Variants in SHISAL2A observed in about 807,000 individuals in gnomAD.
The protein encoded by SHISAL2A is shisa like 2A, also known as protein shisa-like-2A.
A neutral mutation model predicts 11.5 loss-of-function variants in SHISAL2A; 18 were observed. The observed-to-expected ratio is 1.57, with a 90% confidence interval of 1.08 to 2.33. The LOEUF is 2.33. Among genes scored for constraint, SHISAL2A ranks in the 30% most tolerant of loss-of-function variants. The probability of loss-of-function intolerance (pLI) is 0.00; values close to 1 mark genes in which losing one functional copy is unlikely to be tolerated. For synonymous variants in SHISAL2A, 94 were observed against 99.6 expected, an observed-to-expected ratio of 0.94 and a Z score of 0.34; for missense variants, 261 against 250.9, an observed-to-expected ratio of 1.04 and a Z score of -0.27.
chr1:52,638,629 CAG>C (rs1179228226), intron 1 of SHISAL2A, among the ~76,000 whole-genome samples: 1 of 152,086 alleles, frequency 6.6e-6, no homozygotes, highest in Non-Finnish European at 1.5e-5. Context: ...GAAAGTGAGA[CAG>C]GGAGAGAAAG....
intron 4 of SHISAL2A, among the ~76,000 whole-genome samples, chr1:52,665,997 G>A (rs1692003327): frequency 6.6e-6 from 1 of 152,200 alleles, no homozygotes; most frequent in Non-Finnish European, 1.5e-5. Context: ...TGGATTCTAG[G>A]CCACCACTAT....
intron 2 of SHISAL2A, among the ~76,000 whole-genome samples, chr1:52,644,730 A>C (rs1291613791): frequency 7.5e-6 from 1 of 133,780 alleles, no homozygotes; most frequent in Non-Finnish European, 1.6e-5. Context: ...TCTCAGAAAA[A>C]AGTGGGGCCG....
chr1:52,640,076 C>T (rs1453510894), intron 1 of SHISAL2A: 2 of 152,292 alleles, frequency 1.3e-5, no homozygotes, highest in East Asian at 3.9e-4. Context: ...AGGTATGAGC[C>T]ACATCGCCCT....
chr1:52,651,122 G>C (rs71654966), intron 2 of SHISAL2A, among the ~76,000 whole-genome samples: 1 of 152,310 alleles, frequency 6.6e-6, no homozygotes, highest in South Asian at 2.1e-4. Flanking sequence ...TCACATCTCA[G>C]AAATAACTTT....
At chr1:52,652,929 G>A (rs1691700527) in intron 2 of SHISAL2A, among the ~76,000 whole-genome samples, 2 of 111,940 alleles carry the variant, frequency 1.8e-5, no homozygotes, top group Admixed American at 2.7e-4. Flanking sequence ...TCGCGCCACT[G>A]CACTCCAGCC....
intron 2 of SHISAL2A, among the ~76,000 whole-genome samples, chr1:52,644,316 A>G (rs1053123592): frequency 1.3e-5 from 2 of 152,250 alleles, no homozygotes; most frequent in Non-Finnish European, 2.9e-5. Context: ...AGTAGTGGGT[A>G]CATGTGTGTG....
At chr1:52,643,866 A>G (rs1379600017) in intron 2 of SHISAL2A, among the ~76,000 whole-genome samples, 2 of 150,224 alleles carry the variant, frequency 1.3e-5, no homozygotes, top group Non-Finnish European at 1.5e-5. Flanking sequence ...GAAAGAAAGA[A>G]AGAAAGAGAG....
chr1:52,665,491 A>G (rs1691994041), intron 4 of SHISAL2A, among the ~76,000 whole-genome samples: 1 of 152,106 alleles, frequency 6.6e-6, no homozygotes, highest in Admixed American at 6.5e-5. Flanking sequence ...CCTCATTATC[A>G]TTCAGACTTA....
intron 2 of SHISAL2A, among the ~76,000 whole-genome samples, chr1:52,653,039 C>G (rs965780350): frequency 1.5e-5 from 2 of 131,528 alleles, no homozygotes; most frequent in Admixed American, 1.5e-4. Flanking sequence ...AAGTCAAAAC[C>G]AAACATCAAT....
chr1:52,664,687 G>A (rs567913315), intron 4 of SHISAL2A, among the ~76,000 whole-genome samples: 4 of 152,182 alleles, frequency 2.6e-5, no homozygotes, highest in East Asian at 1.9e-4. Context: ...TAGGAGAGAC[G>A]GGGTTTCACT....
At position 52,633,979 on chromosome 1, in the gene SHISAL2A, A is replaced by G. The variant is rs1206780725; in HGVS notation, c.182+304A>G. On this transcript the variant is annotated intron_variant, in intron 1 of 2. Transcript: ENST00000517870. The surrounding 1 kb of genome is among the most constrained non-coding windows in gnomAD (Gnocchi z 6.4). ...CACCCTCATCCCAACCCCAAATCACATATCAAGCCTCCCCCTAACAGCAAC... is the reference window on the plus strand; with the variant it reads ...CACCCTCATCCCAACCCCAAATCACGTATCAAGCCTCCCCCTAACAGCAAC... Among the ~76,000 whole-genome samples the G allele has an allele frequency of 2.0e-5, 3 of 151,792 alleles. No individual in the cohort carries two copies. Among genetic ancestry groups the G allele is most frequent in the Non-Finnish European group, 4.4e-5 (3 of 67,936 alleles).
rs374012574 is a variant in SHISAL2A, at chr1:52,664,357, AT to A, written n.696-3027del. On this transcript the variant is annotated intron_variant and non_coding_transcript_variant, in intron 4 of 5. Transcript: ENST00000401050. The stretch of plus-strand genomic sequence containing the variant: ...AGGCGCCGGCCACCACGCCCAGCTA[AT>A]TTTTTTTTTTTTTTGAAACCGAGTT... Among the ~76,000 whole-genome samples the A allele has an allele frequency of 6.3e-3, 831 of 132,476 alleles. 5 individuals carry two copies. Among genetic ancestry groups the A allele is most frequent in the African/African-American group, 0.014 (485 of 34,550 alleles). The allele number at this position is 132,476 out of a possible 152,430, so 86.9% of individuals were successfully genotyped here.
At chr1:52,642,214 A>C (rs1235722168) in intron 1 of SHISAL2A, among the ~76,000 whole-genome samples, 1 of 152,176 alleles carries the variant, frequency 6.6e-6, no homozygotes, top group Non-Finnish European at 1.5e-5. Flanking sequence ...GGGGTCCCCT[A>C]AGACCATCTC....
chr1:52,666,650 G>C (rs890166578), intron 4 of SHISAL2A, among the ~76,000 whole-genome samples: 1 of 152,030 alleles, frequency 6.6e-6, no homozygotes, highest in Admixed American at 6.5e-5. Flanking sequence ...TGTCTGGCAT[G>C]TTATGGGGTT....
intron 4 of SHISAL2A, among the ~76,000 whole-genome samples, chr1:52,667,165 ATATTACATTTTACAGGTG>A (rs1278102645): frequency 2.6e-5 from 4 of 152,228 alleles, no homozygotes; most frequent in Admixed American, 1.3e-4. Context: ...GAGTTTGGTA[ATATTACATTTTACAGGTG>A]AAGAGACTGA....
chr1:52,655,197 T>C (rs1033717171), intron 2 of SHISAL2A, among the ~76,000 whole-genome samples: 2 of 150,950 alleles, frequency 1.3e-5, no homozygotes. Context: ...AATGAATAAA[T>C]AAATAAATAA....
Position 52,642,873 on chromosome 1 carries a change from C to T in SHISAL2A, c.193C>T (p.Leu65Phe), listed in dbSNP as rs145825874. ...SYMWWLSIGA[L>F]IGLSVAAVVL... ...GTCTTCTCTTCCCAGCATTGGCGCTCTCATAGGCCTGTCCGTAGCAGCAGT... is the reference window on the plus strand; with the variant it reads ...GTCTTCTCTTCCCAGCATTGGCGCTTTCATAGGCCTGTCCGTAGCAGCAGT... The change falls in exon 2 of 3, where the codon CTC (leucine) becomes TTC (phenylalanine). Residue 65 changes from leucine to phenylalanine, a missense_variant. Physicochemically the swap from Leu to Phe is conservative, Grantham distance 22. Transcript: ENST00000517870. 328 of 1,613,340 alleles carry T rather than the reference C, an allele frequency of 2.0e-4. 7 individuals are homozygous for T. The East Asian group carries it at 6.5e-3, about 32-fold the overall frequency.
intron 1 of SHISAL2A, among the ~76,000 whole-genome samples, chr1:52,639,799 T>C (rs1691320359): frequency 6.6e-6 from 1 of 151,676 alleles, no homozygotes; most frequent in African/African-American, 2.4e-5. Context: ...CTGAAAACAT[T>C]TTTTTTTGAG....
chr1:52,633,425 C>A lies in SHISAL2A; in HGVS notation c.-69C>A. ...CTCAGCTCCGTCTCGCTCGGTCCCT[C>A]GCTTCCCCGCCGGGCTCTAGCCGGC... On this transcript the variant is annotated 5_prime_UTR_variant, in exon 1 of 3. Coordinates refer to ENST00000517870, the MANE Select transcript of SHISAL2A (RefSeq NM_001042693.3). The surrounding 1 kb of genome is among the most constrained non-coding windows in gnomAD (Gnocchi z 6.4). 7.4e-7 allele frequency: 1 copy of A among 1,348,182 alleles called. No homozygotes were observed. The highest frequency in any genetic ancestry group is 9.6e-7 in the Non-Finnish European group (1 of 1,036,800). The allele number at this position is 1,348,182 out of a possible 1,614,324, so 83.5% of individuals were successfully genotyped here. A position where few individuals can be genotyped will look rare whatever the true frequency, so the allele number is the denominator to read the frequency against.
Sources: gnomAD v4.1 joint callset for allele counts (sites outside exome capture counted in the v4.1 genomes callset) on GRCh38, gnomAD v4.1.1 for gene constraint, Gnocchi (gnomAD v3.1) non-coding constraint, MANE v1.5 for transcripts, NCBI Gene and HGNC (gene_info 2026-07-23, HGNC 2026-07-21) for gene names.